The following PCNP variants were observed in gnomAD, a reference collection of about 807,000 sequenced individuals.
The protein encoded by PCNP is PEST proteolytic signal-containing nuclear protein.
A neutral mutation model predicts 21.8 loss-of-function variants in PCNP; 6 were observed. The ratio of observed to expected loss-of-function variants is 0.28; its 90% CI spans 0.15 to 0.54. PCNP has a LOEUF of 0.54. Among genes scored for constraint, PCNP ranks in the 20% least tolerant of loss-of-function variants. The probability of loss-of-function intolerance (pLI) is 0.95; values close to 1 mark genes in which losing one functional copy is unlikely to be tolerated. For synonymous variants in PCNP, 67 were observed against 73.2 expected, an observed-to-expected ratio of 0.92 and a Z score of 0.43; for missense variants, 161 against 215.5, an observed-to-expected ratio of 0.75 and a Z score of 1.58.
At chr3:101,587,255 A>AG (rs35145060) in intron 3 of PCNP, among the ~76,000 whole-genome samples, 8 of 95,294 alleles carry the variant, frequency 8.4e-5, no homozygotes, top group Admixed American at 1.9e-4. Context: ...TGTCTCAAAA[A>AG]AAAAAAAAAA....
At chr3:101,592,256 C>T (rs958250650) in intron 4 of PCNP, among the ~76,000 whole-genome samples, 14 of 152,058 alleles carry the variant, frequency 9.2e-5, no homozygotes, top group African/African-American at 3.4e-4. Context: ...TCACTGCAAC[C>T]TCTGCCTCCC....
intron 1 of PCNP, among the ~76,000 whole-genome samples, chr3:101,576,265 G>A (rs1413003293): frequency 5.5e-5 from 8 of 146,486 alleles, no homozygotes; most frequent in African/African-American, 1.0e-4. Flanking sequence ...TTTTGAGATG[G>A]AGCTCTGTCG....
intron 2 of PCNP, among the ~76,000 whole-genome samples, chr3:101,582,683 CTG>C (rs139721310): frequency 3.3e-5 from 5 of 152,254 alleles, no homozygotes; most frequent in African/African-American, 4.8e-5. Context: ...AAAGAAAACA[CTG>C]TAAAAAATGT....
At chr3:101,587,124 C>G (rs552869197) in intron 3 of PCNP, among the ~76,000 whole-genome samples, 1 of 151,856 alleles carries the variant, frequency 6.6e-6, no homozygotes, top group Non-Finnish European at 1.5e-5. Context: ...GTGGTGCATG[C>G]GTGTAATCCC....
chr3:101,577,810 C>T (rs1448830793), intron 1 of PCNP, among the ~76,000 whole-genome samples: 3 of 152,182 alleles, frequency 2.0e-5, no homozygotes, highest in African/African-American at 7.2e-5. Context: ...ACGTGTGAGC[C>T]ACTGTGCCCA....
intron 3 of PCNP, among the ~76,000 whole-genome samples, chr3:101,588,612 A>C (rs1436808393): frequency 6.6e-6 from 1 of 152,198 alleles, no homozygotes; most frequent in Non-Finnish European, 1.5e-5. Context: ...AAATTTTAAA[A>C]TATTTTTCCA....
At position 101,579,891 on chromosome 3, in the gene PCNP, G is replaced by A; in HGVS notation, c.166G>A (p.Glu56Lys). 3 of 1,614,042 alleles carry A rather than the reference G, an allele frequency of 1.9e-6. No individual in the cohort carries two copies. Among genetic ancestry groups the A allele is most frequent in the Non-Finnish European group, 2.5e-6 (3 of 1,179,872 alleles). The change falls in exon 2 of 5, where the codon GAA (glutamate) becomes AAA (lysine). Residue 56 changes from glutamate (E) to lysine (K), a missense_variant. Coordinates refer to ENST00000265260, the MANE Select transcript of PCNP (RefSeq NM_020357.3). Reference sequence around the variant, plus strand: ...CAGCGCTGAGAAGCGATCAGCTGAAGAAGAAGCTGCCGACCTCCCAACAAA... The same window carrying A: ...CAGCGCTGAGAAGCGATCAGCTGAAAAAGAAGCTGCCGACCTCCCAACAAA... ...SRSAEKRSAE[E>K]EAADLPTKPT... is the part of the protein sequence containing the mutation.
Position 101,593,501 on chromosome 3 carries a change from A to G in PCNP, c.*748A>G, listed in dbSNP as rs543267823. ...TGTTTATTAGCTAGTTCCTGTAAGC[A>G]TTTCCACCAGAACTTGAGGCAAATC... On this transcript the variant is annotated 3_prime_UTR_variant, in exon 5 of 5. Transcript: ENST00000265260. 2 of 152,638 alleles carry G rather than the reference A, an allele frequency of 1.3e-5. No homozygotes were observed. Among genetic ancestry groups the G allele is most frequent in the Non-Finnish European group, 2.9e-5 (2 of 68,034 alleles). The allele number at this position is 152,638 out of a possible 1,614,324, so 9.5% of individuals were successfully genotyped here. A position where few individuals can be genotyped will look rare whatever the true frequency, so the allele number is the denominator to read the frequency against.
At chr3:101,576,720 C>G in intron 1 of PCNP, 1 of 1,612,030 alleles carries the variant, frequency 6.2e-7, no homozygotes, top group Admixed American at 1.7e-5. Flanking sequence ...GGATCTTGTA[C>G]TGGCGTGGAT....
rs200604475 is a variant in PCNP, at chr3:101,574,264, G to C, written c.49G>C (p.Ala17Pro). 478 of 1,546,676 alleles carry C rather than the reference G, an allele frequency of 3.1e-4. No homozygotes were observed. In the African/African-American group the frequency reaches 5.7e-3, roughly 19 times the overall value. ...GDEKPEKSQR[A>P]GAAGGPEEEA... is the part of the protein sequence containing the mutation. ...CGAGAAGCCTGAAAAGTCGCAGCGA[G>C]CTGGAGCCGCCGGAGGTGAACACAA... Residue 17 changes from alanine (A) to proline (P), a missense_variant, in exon 1 of 5, where the codon GCT (alanine) becomes CCT (proline). Ala to Pro is a conservative substitution (Grantham distance 27). Transcript: ENST00000265260.
intron 2 of PCNP, among the ~76,000 whole-genome samples, chr3:101,584,419 G>A (rs1188990214): frequency 6.6e-6 from 1 of 152,160 alleles, no homozygotes; most frequent in East Asian, 1.9e-4. Context: ...GATTGCACAT[G>A]TGAGGCACTG....
chr3:101,587,825 T>C (rs562362474), intron 3 of PCNP, among the ~76,000 whole-genome samples: 5 of 152,272 alleles, frequency 3.3e-5, no homozygotes, highest in African/African-American at 1.2e-4. Context: ...CGATACAGGA[T>C]GCAGGGAATA....
At chr3:101,576,557 C>G (rs1487765273) in intron 1 of PCNP, 19 of 1,610,822 alleles carry the variant, frequency 1.2e-5, no homozygotes, top group Non-Finnish European at 1.4e-5. Context: ...TGGCCTCGGA[C>G]ACGAAGGCCC....
intron 1 of PCNP, among the ~76,000 whole-genome samples, 198 bp downstream of exon 1, chr3:101,574,477 A>G (rs997852541): frequency 1.3e-5 from 2 of 151,980 alleles, no homozygotes; most frequent in Non-Finnish European, 2.9e-5. Flanking sequence ...TTGCCTGGGG[A>G]GAGCCGGCCA....
At chr3:101,587,052 G>A (rs1340629061) in intron 3 of PCNP, among the ~76,000 whole-genome samples, 4 of 151,914 alleles carry the variant, frequency 2.6e-5, no homozygotes, top group Admixed American at 1.3e-4. Flanking sequence ...TCAGGAGTTC[G>A]AGACCAGCCT....
rs891797710 is a variant in PCNP, at chr3:101,590,397, T to A, written c.410+127T>A. 4 of 619,432 alleles carry A rather than the reference T, an allele frequency of 6.5e-6. No individual in the cohort carries two copies. The African/African-American group carries it at 7.4e-5, about 11-fold the overall frequency. The allele number at this position is 619,432 out of a possible 1,614,324, so 38.4% of individuals were successfully genotyped here. On this transcript the variant is annotated intron_variant, in intron 4 of 4. Coordinates refer to ENST00000265260, the MANE Select transcript of PCNP (RefSeq NM_020357.3). ...GGGCAGAACAGTTTTTAAAAGCATG[T>A]TCTGTGTACTAGATGATTAATTAGG...
chr3:101,578,887 A>C (rs372642236), intron 1 of PCNP, among the ~76,000 whole-genome samples: 9 of 152,202 alleles, frequency 5.9e-5, no homozygotes, highest in African/African-American at 2.2e-4. Flanking sequence ...TGGGGAAAGA[A>C]AATAAAAGTT....
At chr3:101,584,919 A>T (rs1335377213) in intron 2 of PCNP, among the ~76,000 whole-genome samples, 1 of 152,218 alleles carries the variant, frequency 6.6e-6, no homozygotes, top group Non-Finnish European at 1.5e-5. Context: ...CATGAGAATC[A>T]TTTGAACCCA....
At chr3:101,576,057 A>G (rs1934862318) in intron 1 of PCNP, among the ~76,000 whole-genome samples, 1 of 152,184 alleles carries the variant, frequency 6.6e-6, no homozygotes, top group African/African-American at 2.4e-5. Flanking sequence ...GTGCATAGGA[A>G]TCATAGTTAA....
Sources: gnomAD v4.1 joint callset for allele counts (sites outside exome capture counted in the v4.1 genomes callset) on GRCh38, gnomAD v4.1.1 for gene constraint, MANE v1.5 for transcripts, NCBI Gene and HGNC (gene_info 2026-07-23, HGNC 2026-07-21) for gene names.